Variants in ADCY2 observed in about 807,000 individuals in gnomAD.
ADCY2 encodes adenylate cyclase 2, also known as adenylate cyclase type 2.
Under a neutral mutation model 125.2 loss-of-function variants are expected in ADCY2, and 31 were observed. That is an observed-to-expected ratio of 0.25 (90% confidence interval 0.19 to 0.33). The LOEUF (loss-of-function observed/expected upper bound fraction) is 0.33. Among genes scored for constraint, ADCY2 ranks in the 10% least tolerant of loss-of-function variants. The pLI, the probability that ADCY2 is intolerant of heterozygous loss-of-function variation, is 1.00. For synonymous variants in ADCY2, 512 were observed against 548.4 expected (o/e 0.93, Z 0.93); for missense variants, 904 against 1,418.2 (o/e 0.64, Z 5.82).
intron 4 of ADCY2, among the ~76,000 whole-genome samples, chr5:7,626,522 A>T (rs1370749670): frequency 6.6e-6 from 1 of 152,100 alleles, no homozygotes; most frequent in African/African-American, 2.4e-5. Context: ...CCAAGAAAAG[A>T]GGTTTATTAG....
chr5:7,482,333 A>G (rs576215788), intron 2 of ADCY2, among the ~76,000 whole-genome samples: 3 of 152,244 alleles, frequency 2.0e-5, no homozygotes, highest in Admixed American at 2.0e-4. Flanking sequence ...TATTCTGGAT[A>G]TTAGTCCCTT....
At chr5:7,757,710 A>T (rs1251394410) in intron 16 of ADCY2, 124 bp downstream of exon 16, 20 of 1,366,370 alleles carry the variant, frequency 1.5e-5, no homozygotes, top group Non-Finnish European at 1.7e-5. Context: ...GCTGTGTTCA[A>T]CATGCTCAGC....
intron 4 of ADCY2, among the ~76,000 whole-genome samples, 159 bp downstream of exon 4, chr5:7,626,475 T>C (rs1011168474): frequency 6.6e-6 from 1 of 152,148 alleles, no homozygotes; most frequent in African/African-American, 2.4e-5. Context: ...GTCTGCTTAG[T>C]GCTGCTATAA....
rs116194973 is a variant in ADCY2 at position 7,500,956 on chromosome 5, A to G, written c.409-19782A>G. Among the ~76,000 whole-genome samples the G allele has an allele frequency of 7.6e-3, 1,152 of 152,274 alleles. 18 individuals are homozygous for G. The highest frequency in any genetic ancestry group is 0.027 in the African/African-American group (1,121 of 41,554). On this transcript the variant is annotated intron_variant, in intron 2 of 24. Coordinates refer to ENST00000338316, the MANE Select transcript of ADCY2 (RefSeq NM_020546.3). ...AATGATCAACACAAGCTTCATCAAC[A>G]GGGAGAGCTGTGTCTCTGAAGTGGG...
chr5:7,569,252 G>A (rs1031569765), intron 3 of ADCY2, among the ~76,000 whole-genome samples: 1 of 152,076 alleles, frequency 6.6e-6, no homozygotes, highest in African/African-American at 2.4e-5. Context: ...GATACCGCAG[G>A]ACAGAATCTG....
intron 2 of ADCY2, among the ~76,000 whole-genome samples, chr5:7,426,779 G>T (rs923933297): frequency 3.3e-5 from 5 of 152,088 alleles, no homozygotes; most frequent in Admixed American, 6.6e-5. Flanking sequence ...GCCAGCACTG[G>T]CTTCCACCCT....
intron 3 of ADCY2, among the ~76,000 whole-genome samples, chr5:7,523,265 C>G (rs1744524771): frequency 7.2e-6 from 1 of 139,174 alleles, no homozygotes; most frequent in Admixed American, 7.5e-5. Context: ...ATACTGTATT[C>G]TTTATTGAGC....
intron 3 of ADCY2, among the ~76,000 whole-genome samples, chr5:7,543,664 C>G (rs908140489): frequency 2.6e-5 from 4 of 152,050 alleles, no homozygotes; most frequent in Non-Finnish European, 5.9e-5. Flanking sequence ...TTAGATCTCT[C>G]TTCCAAAACC....
At chr5:7,688,768 C>T (rs1265512816) in intron 4 of ADCY2, among the ~76,000 whole-genome samples, 1 of 152,138 alleles carries the variant, frequency 6.6e-6, no homozygotes, top group Non-Finnish European at 1.5e-5. Flanking sequence ...ACGCTCAGGA[C>T]CTGCAGAAAT....
chr5:7,767,445 C>T (rs1212122728), intron 17 of ADCY2, among the ~76,000 whole-genome samples: 9 of 152,100 alleles, frequency 5.9e-5, no homozygotes. Context: ...CTCCTTTGCA[C>T]TTTCCAAATA....
chr5:7,494,647 C>T (rs1004270954), intron 2 of ADCY2, among the ~76,000 whole-genome samples: 1 of 152,052 alleles, frequency 6.6e-6, no homozygotes, highest in Non-Finnish European at 1.5e-5. Context: ...GGAGTGAACT[C>T]TTTAATTAGT....
chr5:7,669,378 C>T (rs962372924), intron 4 of ADCY2, among the ~76,000 whole-genome samples: 4 of 152,032 alleles, frequency 2.6e-5, no homozygotes, highest in Non-Finnish European at 5.9e-5. Flanking sequence ...ACACAAAGCT[C>T]GGGAGACCAT....
chr5:7,636,011 C>G (rs1382924966), intron 4 of ADCY2, among the ~76,000 whole-genome samples: 1 of 152,176 alleles, frequency 6.6e-6, no homozygotes, highest in Non-Finnish European at 1.5e-5. Context: ...AGGTGTCCCT[C>G]TCACGGGAAG....
chr5:7,401,912 TC>T (rs1739276737), intron 1 of ADCY2, among the ~76,000 whole-genome samples: 1 of 152,248 alleles, frequency 6.6e-6, no homozygotes, highest in Non-Finnish European at 1.5e-5. Context: ...GTATATGGGT[TC>T]TTCCTGCCAC....
chr5:7,712,030 C>G (rs925291341), intron 10 of ADCY2, among the ~76,000 whole-genome samples: 2 of 152,124 alleles, frequency 1.3e-5, no homozygotes, highest in African/African-American at 4.8e-5. Flanking sequence ...ACTCTTGATT[C>G]AACATTGATA....
At chr5:7,429,889 T>C (rs1003077050) in intron 2 of ADCY2, among the ~76,000 whole-genome samples, 4 of 152,056 alleles carry the variant, frequency 2.6e-5, no homozygotes, top group African/African-American at 9.7e-5. Context: ...ACAACAAAAT[T>C]GGAAGCAGGA....
intron 2 of ADCY2, among the ~76,000 whole-genome samples, chr5:7,475,942 C>T (rs940834939): frequency 6.6e-6 from 1 of 152,170 alleles, no homozygotes; most frequent in African/African-American, 2.4e-5. Context: ...AAAAAATCTT[C>T]TCATATGTGA....
chr5:7,688,422 C>T (rs1007884021), intron 4 of ADCY2, among the ~76,000 whole-genome samples: 7 of 140,500 alleles, frequency 5.0e-5, no homozygotes, highest in African/African-American at 1.8e-4. Flanking sequence ...TGCCTGCCAC[C>T]ATGCCCAGCT....
chr5:7,516,315 C>G (rs1744252684), intron 2 of ADCY2, among the ~76,000 whole-genome samples: 3 of 152,088 alleles, frequency 2.0e-5, no homozygotes, highest in Non-Finnish European at 1.5e-5. Flanking sequence ...TATAAAAGCA[C>G]CCAATTTTTA....
Sources: gnomAD v4.1 joint callset for allele counts (sites outside exome capture counted in the v4.1 genomes callset) on GRCh38, gnomAD v4.1.1 for gene constraint, MANE v1.5 for transcripts, NCBI Gene and HGNC (gene_info 2026-07-23, HGNC 2026-07-21) for gene names.